The following ALMS1 variants were observed in gnomAD, a reference collection of about 807,000 sequenced individuals.
ALMS1 encodes ALMS1 centrosome and basal body associated protein.
ALMS1 carries 271 observed loss-of-function variants against 352.2 expected under a neutral mutation model. The ratio of observed to expected loss-of-function variants is 0.77; its 90% CI spans 0.70 to 0.85. The LOEUF (loss-of-function observed/expected upper bound fraction) is 0.85. Ranked by LOEUF, ALMS1 falls within the 40% of genes least tolerant of loss-of-function variation. ALMS1 has a pLI of 0.00. For synonymous variants in ALMS1, 1,865 were observed against 1,761.2 expected (o/e 1.06, Z -1.48); for missense variants, 5,445 against 4,870.7 (o/e 1.12, Z -3.51).
intron 9 of ALMS1, among the ~76,000 whole-genome samples, chr2:73,464,227 C>T (rs901355073): frequency 6.6e-6 from 1 of 152,184 alleles, no homozygotes; most frequent in Admixed American, 6.5e-5. Flanking sequence ...TCCAGCAGCA[C>T]ATCAAAAAGC....
intron 1 of ALMS1, among the ~76,000 whole-genome samples, chr2:73,398,497 T>C (rs1670811171): frequency 1.3e-5 from 2 of 152,312 alleles, no homozygotes; most frequent in South Asian, 4.1e-4. Context: ...GCTGGGATTT[T>C]GATTGGGATT....
chr2:73,507,969 A>T (rs1313153529), intron 10 of ALMS1, among the ~76,000 whole-genome samples: 1 of 152,030 alleles, frequency 6.6e-6, no homozygotes, highest in African/African-American at 2.4e-5. Flanking sequence ...AGATTCTGGT[A>T]TGTTGTGCCT....
At chr2:73,545,279 C>G (rs1674289802) in intron 12 of ALMS1, among the ~76,000 whole-genome samples, 1 of 150,748 alleles carries the variant, frequency 6.6e-6, no homozygotes. Context: ...CTCCCAGATT[C>G]AAGCAGTTCT....
At chr2:73,399,751 T>G (rs766425650) in intron 1 of ALMS1, among the ~76,000 whole-genome samples, 67 of 152,056 alleles carry the variant, frequency 4.4e-4, no homozygotes, top group Non-Finnish European at 8.5e-4. Flanking sequence ...GCTTCGAGTT[T>G]CATTAGGTAT....
At chr2:73,465,750 G>A (rs752488907) in intron 9 of ALMS1, among the ~76,000 whole-genome samples, 39 of 151,832 alleles carry the variant, frequency 2.6e-4, no homozygotes, top group Non-Finnish European at 5.3e-4. Flanking sequence ...CTGACAAAGG[G>A]CTAATATCCA....
chr2:73,506,289 A>G (rs1481489511), intron 10 of ALMS1, among the ~76,000 whole-genome samples: 2 of 152,170 alleles, frequency 1.3e-5, no homozygotes, highest in African/African-American at 2.4e-5. Context: ...TTGGTTCCAT[A>G]TGAACTTTAA....
chr2:73,593,192 A>G (rs950025610), intron 16 of ALMS1, among the ~76,000 whole-genome samples: 18 of 136,634 alleles, frequency 1.3e-4, no homozygotes, highest in South Asian at 4.7e-4. Flanking sequence ...TGGATTCAGG[A>G]AAAAAAAAAA....
chr2:73,435,576 T>C (rs1671589447), intron 7 of ALMS1, among the ~76,000 whole-genome samples: 1 of 151,890 alleles, frequency 6.6e-6, no homozygotes, highest in African/African-American at 2.4e-5. Context: ...TACATACTAC[T>C]CACACACGTA....
chr2:73,481,904 T>C (rs1449941696), intron 9 of ALMS1, among the ~76,000 whole-genome samples: 1 of 151,618 alleles, frequency 6.6e-6, no homozygotes, highest in Non-Finnish European at 1.5e-5. Context: ...ATAAGGATGC[T>C]TGTGATTTTT....
At position 73,432,238 on chromosome 2, in the gene ALMS1, T is replaced by C. The variant is rs769308689; in HGVS notation, c.1379T>C (p.Met460Thr). 1.4e-5 allele frequency: 22 copies of C among 1,613,700 alleles called. No individual in the cohort carries two copies. The highest frequency in any genetic ancestry group is 1.8e-5 in the Non-Finnish European group (21 of 1,179,680). ...ESEYHSSDLR[M>T]LRMSPDTVPK... Reference sequence around the variant, plus strand: ...GAATATCACTCTTCAGATCTCAGAATGTTGAGGATGTCTCCTGACACTGTG... The same window carrying C: ...GAATATCACTCTTCAGATCTCAGAACGTTGAGGATGTCTCCTGACACTGTG... Residue 460 changes from methionine to threonine, a missense_variant, in exon 7 of 23, where the codon ATG becomes ACG. Met to Thr is a moderately conservative substitution (Grantham distance 81). Coordinates refer to ENST00000613296, the MANE Select transcript of ALMS1 (RefSeq NM_001378454.1).
At chr2:73,579,692 C>A (rs1675132831) in intron 16 of ALMS1, among the ~76,000 whole-genome samples, 1 of 152,156 alleles carries the variant, frequency 6.6e-6, no homozygotes, top group Admixed American at 6.6e-5. Flanking sequence ...TTCATCATTT[C>A]AAATATGTCA....
At chr2:73,589,738 C>T (rs1206430473) in intron 16 of ALMS1, among the ~76,000 whole-genome samples, 2 of 152,178 alleles carry the variant, frequency 1.3e-5, no homozygotes, top group East Asian at 1.9e-4. Flanking sequence ...TACCCACTTA[C>T]GCATGAACAC....
At chr2:73,400,192 C>T (rs1286746490) in intron 1 of ALMS1, among the ~76,000 whole-genome samples, 1 of 152,120 alleles carries the variant, frequency 6.6e-6, no homozygotes, top group Non-Finnish European at 1.5e-5. Flanking sequence ...GTGATCTGCT[C>T]ACCTTGGCCT....
chr2:73,590,677 CT>C lies in ALMS1; in HGVS notation c.11548-8702del, dbSNP rs35264211. On this transcript the variant is annotated intron_variant, in intron 16 of 22. Coordinates refer to ENST00000613296, the MANE Select transcript of ALMS1 (RefSeq NM_001378454.1). ...TGTTTTTTTAAATTCTGTTTTATTACTTTTTTTTTTTTTTTTTTTTTTGAGA... is the reference window on the plus strand; with the variant it reads ...TGTTTTTTTAAATTCTGTTTTATTACTTTTTTTTTTTTTTTTTTTTTGAGA... Among the ~76,000 whole-genome samples, 764 of 108,434 alleles carry C rather than the reference CT, an allele frequency of 7.0e-3. 4 individuals carry two copies. The highest frequency in any genetic ancestry group is 0.021 in the African/African-American group (612 of 29,468). 71.1% of individuals were successfully genotyped at this position (108,434 alleles called of 152,430 possible). A position where few individuals can be genotyped will look rare whatever the true frequency, so the allele number is the denominator to read the frequency against.
chr2:73,557,483 T>C, intron 14 of ALMS1, 129 bp downstream of exon 14: 1 of 1,203,744 alleles, frequency 8.3e-7, no homozygotes, highest in Non-Finnish European at 1.2e-6. Flanking sequence ...TTCTATCTCA[T>C]GTATATATGA....
At chr2:73,438,724 G>A (rs1572924211) in intron 7 of ALMS1, among the ~76,000 whole-genome samples, 1 of 152,152 alleles carries the variant, frequency 6.6e-6, no homozygotes, top group Admixed American at 6.5e-5. Context: ...GCAGAAAGAG[G>A]CCAATAGAAA....
intron 10 of ALMS1, among the ~76,000 whole-genome samples, chr2:73,511,129 G>C (rs113230184): frequency 6.6e-5 from 10 of 152,174 alleles, no homozygotes; most frequent in Non-Finnish European, 1.0e-4. Flanking sequence ...GGACTCCTTG[G>C]GGGTGGGATC....
In ALMS1 at chr2:73,424,587, T is replaced by G. The variant is rs1572914414; in HGVS notation, c.922T>G (p.Ser308Ala). The change falls in exon 5 of 23, where the codon TCT becomes GCT. Residue 308 changes from serine to alanine, a missense_variant. By Grantham distance (99) the Ser-to-Ala change is moderately conservative. Transcript: ENST00000613296. ...GCTTATAGGCAGCACAGCTGTTGGGTCTCAGTGCCCTTTTTTACCTTCTGA... is the reference window on the plus strand; with the variant it reads ...GCTTATAGGCAGCACAGCTGTTGGGGCTCAGTGCCCTTTTTTACCTTCTGA... ...HPLIGSTAVG[S>A]QCPFLPSEQG... 1 of 1,613,978 alleles carries G rather than the reference T, an allele frequency of 6.2e-7. No individual in the cohort carries two copies. The highest frequency in any genetic ancestry group is 8.5e-7 in the Non-Finnish European group (1 of 1,179,994).
intron 1 of ALMS1, among the ~76,000 whole-genome samples, chr2:73,404,023 G>C (rs377429158): frequency 6.6e-6 from 1 of 151,918 alleles, no homozygotes; most frequent in Non-Finnish European, 1.5e-5. Context: ...CCTCAGCTTC[G>C]CAAATAGCTA....
Sources: allele counts gnomAD v4.1 joint callset (sites outside exome capture counted in the v4.1 genomes callset), GRCh38; gene constraint gnomAD v4.1.1; transcripts MANE v1.5; gene names NCBI Gene and HGNC (gene_info 2026-07-23, HGNC 2026-07-21).